TJP2: variants seen among roughly 807,000 people sequenced by gnomAD.
The protein encoded by TJP2 is tight junction protein 2.
Under a neutral mutation model 133.1 loss-of-function variants are expected in TJP2, and 91 were observed. That is an observed-to-expected ratio of 0.68 (90% CI 0.58 to 0.81). The LOEUF (loss-of-function observed/expected upper bound fraction) is 0.81, where lower values mean the gene tolerates loss of function less well. Ranked by LOEUF, TJP2 falls within the 40% of genes least tolerant of loss-of-function variation. The pLI is 0.00. For synonymous variants in TJP2, 592 were observed against 583.4 expected (o/e 1.01, Z -0.21); for missense variants, 1,541 against 1,565.6 (o/e 0.98, Z 0.26).
intron 1 of TJP2, among the ~76,000 whole-genome samples, chr9:69,149,091 T>C (rs969806672): frequency 3.3e-5 from 5 of 152,216 alleles, no homozygotes; most frequent in African/African-American, 7.2e-5. Context: ...TTCTGCCAAA[T>C]GTTCTTTTAA....
intron 1 of TJP2, among the ~76,000 whole-genome samples, chr9:69,130,512 CTG>C (rs1203537375): frequency 6.6e-6 from 1 of 152,034 alleles, no homozygotes; most frequent in Non-Finnish European, 1.5e-5. Flanking sequence ...GCTCAAGAAT[CTG>C]TGTCTCTAAC....
intron 2 of TJP2, among the ~76,000 whole-genome samples, chr9:69,165,197 C>T (rs953818965): frequency 4.6e-5 from 7 of 152,194 alleles, no homozygotes; most frequent in African/African-American, 1.4e-4. Flanking sequence ...GGCACAATCA[C>T]GGCTACTGCA....
rs951850274 is a variant in TJP2 at position 69,225,297 on chromosome 9, C to G, written c.953-7C>G. On this transcript the variant is annotated splice_polypyrimidine_tract_variant and splice_region_variant and intron_variant, in intron 5 of 22. Coordinates refer to ENST00000377245, the MANE Select transcript of TJP2 (RefSeq NM_004817.4). ...CATACGTGTATGTTTATGTGTTTGT[C>G]TCCTAGAGTATGGTCTCCGGCTTGG... The G allele has an allele frequency of 1.3e-6, 2 of 1,593,868 alleles. No individual in the cohort carries two copies. Among genetic ancestry groups the G allele is most frequent in the African/African-American group, 2.7e-5 (2 of 74,508 alleles).
At chr9:69,230,602 A>G (rs1048578873) in intron 11 of TJP2, among the ~76,000 whole-genome samples, 1 of 152,222 alleles carries the variant, frequency 6.6e-6, no homozygotes, top group Non-Finnish European at 1.5e-5. Context: ...TTCTTAAGGC[A>G]GTGTCCTGAA....
At chr9:69,254,127 C>T in intron 22 of TJP2, 82 bp from the exon 23 acceptor site, 1 of 1,503,540 alleles carries the variant, frequency 6.7e-7, no homozygotes, top group Non-Finnish European at 9.2e-7. Context: ...TACCCAGTCA[C>T]TGTGCTCAGA....
chr9:69,176,437 G>GA (rs751915617), intron 1 of TJP2, among the ~76,000 whole-genome samples: 1 of 152,158 alleles, frequency 6.6e-6, no homozygotes, highest in Admixed American at 6.5e-5. Context: ...AGGTGTCCAG[G>GA]AAAAAACTGA....
intron 1 of TJP2, among the ~76,000 whole-genome samples, chr9:69,203,974 T>C (rs1232337465): frequency 6.6e-6 from 1 of 152,186 alleles, no homozygotes; most frequent in Non-Finnish European, 1.5e-5. Context: ...TGTCATAACA[T>C]GAAGAACTCA....
chr9:69,236,320 A>C, intron 13 of TJP2, 82 bp downstream of exon 13: 1 of 1,385,278 alleles, frequency 7.2e-7, no homozygotes, highest in Non-Finnish European at 1.0e-6. Flanking sequence ...TCCCCCGTAA[A>C]AGGAAACCCC....
rs1282494637 is a variant in TJP2 at position 69,124,384 on chromosome 9, A to AT, written c.-131+2666dup. Among the ~76,000 whole-genome samples the AT allele has an allele frequency of 5.3e-5, 4 of 75,348 alleles. 2 individuals carry two copies. The highest frequency in any genetic ancestry group is 7.4e-4 in the South Asian group (2 of 2,716). The allele number at this position is 75,348 out of a possible 152,430, so 49.4% of individuals were successfully genotyped here. On this transcript the variant is annotated intron_variant, in intron 1 of 5. Coordinates refer to the TJP2 transcript ENST00000423935. ...GAGGCTAGTTTAAATTATTATTATT[A>AT]TTTTTTTCTGTAGATTGGGTTCTTG... is the stretch of plus-strand genomic sequence containing the variant.
upstream of TJP2, among the ~76,000 whole-genome samples, chr9:69,172,714 T>A (rs1469595030): frequency 6.6e-6 from 1 of 151,470 alleles, no homozygotes; most frequent in Non-Finnish European, 1.5e-5. Context: ...AAATATTTTA[T>A]TTTTTTTTCC....
chr9:69,139,262 T>TA (rs1822911142), intron 1 of TJP2, among the ~76,000 whole-genome samples: 1 of 152,164 alleles, frequency 6.6e-6, no homozygotes, highest in Non-Finnish European at 1.5e-5. Context: ...TAGTCAGTGT[T>TA]ATGGGTTGAA....
chr9:69,218,783 A>C (rs1276601070), intron 4 of TJP2, among the ~76,000 whole-genome samples: 2 of 152,208 alleles, frequency 1.3e-5, no homozygotes, highest in African/African-American at 4.8e-5. Context: ...CTATTCCTTC[A>C]TTCATTCACT....
intron 17 of TJP2, 85 bp downstream of exon 17, chr9:69,240,232 A>G: frequency 7.6e-7 from 1 of 1,319,058 alleles, no homozygotes; most frequent in South Asian, 1.3e-5. Context: ...ATTAATCTGA[A>G]TGGAGAATTT....
intron 21 of TJP2, among the ~76,000 whole-genome samples, chr9:69,252,029 C>A (rs1373213077): frequency 6.6e-6 from 1 of 152,090 alleles, no homozygotes; most frequent in Non-Finnish European, 1.5e-5. Context: ...GGGTCTCCCT[C>A]TGTCACCCCG....
At chr9:69,212,480 G>A in intron 1 of TJP2, 68 bp from the exon 2 acceptor site, 1 of 1,212,398 alleles carries the variant, frequency 8.2e-7, no homozygotes, top group Non-Finnish European at 1.2e-6. Context: ...CATTTTGAAT[G>A]ATAATTTTAT....
At chr9:69,137,078 T>G (rs1822763880) in intron 1 of TJP2, among the ~76,000 whole-genome samples, 1 of 152,180 alleles carries the variant, frequency 6.6e-6, no homozygotes, top group Non-Finnish European at 1.5e-5. Context: ...TCCTTAGCTC[T>G]GCCTGATCCC....
At chr9:69,142,160 C>T (rs570193257) in intron 1 of TJP2, among the ~76,000 whole-genome samples, 7 of 152,290 alleles carry the variant, frequency 4.6e-5, no homozygotes, top group African/African-American at 9.6e-5. Flanking sequence ...CTGTAGCTGG[C>T]GCTGGGCACA....
At chr9:69,200,233 A>G (rs1826888377) in intron 1 of TJP2, among the ~76,000 whole-genome samples, 1 of 152,090 alleles carries the variant, frequency 6.6e-6, no homozygotes, top group Non-Finnish European at 1.5e-5. Context: ...CCCTCTATGC[A>G]GAATGCCCAC....
In TJP2 at chr9:69,198,466, A is replaced by G. The variant is rs1826756838; in HGVS notation, c.61-14082A>G. 2.6e-5 allele frequency among the ~76,000 whole-genome samples: 4 copies of G among 152,176 alleles called. No homozygotes were observed. In the South Asian group the frequency reaches 8.3e-4, roughly 31 times the overall value. On this transcript the variant is annotated intron_variant, in intron 1 of 22. Coordinates refer to ENST00000377245, the MANE Select transcript of TJP2 (RefSeq NM_004817.4). The stretch of plus-strand genomic sequence containing the variant: ...CACCTTTCTCAATTCTTTATTATCT[A>G]TTTAAATGCACGCTAAAAAATTTAC...
Sources: gnomAD v4.1 joint callset for allele counts (sites outside exome capture counted in the v4.1 genomes callset) on GRCh38, gnomAD v4.1.1 for gene constraint, MANE v1.5 for transcripts, NCBI Gene and HGNC (gene_info 2026-07-23, HGNC 2026-07-21) for gene names.